The following PHACTR3 variants were observed in gnomAD, a reference collection of about 807,000 sequenced individuals.
PHACTR3 encodes phosphatase and actin regulator 3.
A neutral mutation model predicts 66.8 loss-of-function variants in PHACTR3; 16 were observed. The observed-to-expected ratio is 0.24, with a 90% CI of 0.16 to 0.36. The LOEUF is 0.36. Among genes scored for constraint, PHACTR3 ranks in the 10% least tolerant of loss-of-function variants. PHACTR3 has a pLI of 1.00. For synonymous variants in PHACTR3, 323 were observed against 292.1 expected, an observed-to-expected ratio of 1.11 and a Z score of -1.08; for missense variants, 647 against 719.9, an observed-to-expected ratio of 0.90 and a Z score of 1.16.
intron 1 of PHACTR3, among the ~76,000 whole-genome samples, chr20:59,716,026 G>A (rs2038078731): frequency 6.6e-6 from 1 of 152,118 alleles, no homozygotes; most frequent in Admixed American, 6.5e-5. Context: ...TTGAGAGTGT[G>A]TGTCCATGCA....
chr20:59,847,183 C>G lies in PHACTR3; in HGVS notation c.*53C>G. ...TTAATTTTTTGATACCAACACTGAA[C>G]ATTCATCAGGGAACTTTCCTGAAGT... On this transcript the variant is annotated 3_prime_UTR_variant, in exon 13 of 13. Transcript: ENST00000371015. The G allele has an allele frequency of 1.5e-6, 2 of 1,359,626 alleles. No homozygotes were observed. The highest frequency in any genetic ancestry group is 2.1e-6 in the Non-Finnish European group (2 of 960,786). The allele number at this position is 1,359,626 out of a possible 1,614,324, so 84.2% of individuals were successfully genotyped here.
intron 11 of PHACTR3, 103 bp from the exon 12 acceptor site, chr20:59,845,086 A>G (rs2145535999): frequency 5.6e-6 from 4 of 714,650 alleles, no homozygotes; most frequent in East Asian, 5.7e-5. Context: ...TATATTACAT[A>G]ATAGAGTCAA....
At chr20:59,814,075 C>G (rs2041818574) in intron 8 of PHACTR3, among the ~76,000 whole-genome samples, 1 of 152,214 alleles carries the variant, frequency 6.6e-6, no homozygotes, top group Non-Finnish European at 1.5e-5. Flanking sequence ...GCTGGCTAAG[C>G]TGGTGGGAAA....
At chr20:59,678,078 C>A (rs1036967055) in intron 1 of PHACTR3, among the ~76,000 whole-genome samples, 1 of 152,210 alleles carries the variant, frequency 6.6e-6, no homozygotes. Flanking sequence ...CATACATTTT[C>A]TTCTGTTCCT....
intron 5 of PHACTR3, among the ~76,000 whole-genome samples, chr20:59,772,668 C>A (rs1239203260): frequency 1.3e-5 from 2 of 152,114 alleles, no homozygotes; most frequent in Non-Finnish European, 2.9e-5. Context: ...GCTAGGGAGC[C>A]GAGTGGGGCC....
At chr20:59,814,349 C>G (rs1248786152) in intron 8 of PHACTR3, among the ~76,000 whole-genome samples, 2 of 152,134 alleles carry the variant, frequency 1.3e-5, no homozygotes, top group East Asian at 3.9e-4. Context: ...GGAGGGCCTG[C>G]CAGCCTAGGG....
chr20:59,669,602 A>C (rs1270667793), intron 1 of PHACTR3, among the ~76,000 whole-genome samples: 1 of 152,152 alleles, frequency 6.6e-6, no homozygotes, highest in Non-Finnish European at 1.5e-5. Context: ...TCTAAAGAGA[A>C]CCCTGTGTCC....
chr20:59,665,179 G>A (rs1272329479), intron 1 of PHACTR3, among the ~76,000 whole-genome samples: 2 of 152,150 alleles, frequency 1.3e-5, no homozygotes, highest in African/African-American at 4.8e-5. Flanking sequence ...GATTTTCAAG[G>A]CTTCACCATT....
At position 59,594,337 on chromosome 20, in the gene PHACTR3, GTT is replaced by G. The variant is rs77578962; in HGVS notation, c.109+16732_109+16733del. 7.8e-3 allele frequency among the ~76,000 whole-genome samples: 1,143 copies of G among 146,756 alleles called. 15 individuals are homozygous for G. Among genetic ancestry groups the G allele is most frequent in the African/African-American group, 0.026 (1,044 of 40,236 alleles). On this transcript the variant is annotated intron_variant, in intron 1 of 12. Coordinates refer to the PHACTR3 transcript ENST00000359926. ...TAGTTTCAGGAGGCTTTTTGGTCGAGTTTTTTTTTTTTTATTTTCTACATAGA... is the reference window on the plus strand; with the variant it reads ...TAGTTTCAGGAGGCTTTTTGGTCGAGTTTTTTTTTTTATTTTCTACATAGA...
Position 59,625,768 on chromosome 20 carries a change from C to T in PHACTR3, c.118+20636C>T, listed in dbSNP as rs990331673. On this transcript the variant is annotated intron_variant, in intron 1 of 12. Coordinates refer to ENST00000371015, the MANE Select transcript of PHACTR3 (RefSeq NM_080672.5). ...ACCGTCTCTGTCTTGCGTGACAGCC[C>T]GGGGCTGTTTCTCACCCTTGTTACG... 5.3e-5 allele frequency among the ~76,000 whole-genome samples: 8 copies of T among 152,108 alleles called. No homozygotes were observed. The South Asian group carries it at 6.2e-4, about 12-fold the overall frequency.
At chr20:59,657,391 G>A (rs2035657867) in intron 1 of PHACTR3, among the ~76,000 whole-genome samples, 1 of 151,880 alleles carries the variant, frequency 6.6e-6, no homozygotes, top group African/African-American at 2.4e-5. Flanking sequence ...CTTTACTGGA[G>A]CTCCTTGTTT....
chr20:59,840,222 A>G, intron 9 of PHACTR3, 147 bp from the exon 10 acceptor site: 1 of 1,302,498 alleles, frequency 7.7e-7, no homozygotes, highest in African/African-American at 1.5e-5. Flanking sequence ...TGACTGACAA[A>G]GTGGGAAGAA....
intron 7 of PHACTR3, among the ~76,000 whole-genome samples, chr20:59,774,819 A>G (rs1439230500): frequency 6.6e-6 from 1 of 152,076 alleles, no homozygotes; most frequent in East Asian, 1.9e-4. Flanking sequence ...ACCCCTGAGG[A>G]TGCTGTGGCG....
chr20:59,842,759 T>G (rs559912509), intron 11 of PHACTR3, among the ~76,000 whole-genome samples: 1 of 152,314 alleles, frequency 6.6e-6, no homozygotes, highest in East Asian at 1.9e-4. Flanking sequence ...GTTTCATTAG[T>G]GCCCTAAGCA....
intron 1 of PHACTR3, chr20:59,628,564 A>G (rs919229552): frequency 2.1e-6 from 2 of 951,760 alleles, no homozygotes; most frequent in African/African-American, 1.8e-5. Context: ...CCAGGGAGAG[A>G]GGCGAGCCCT....
chr20:59,785,448 C>T (rs2037548597), intron 7 of PHACTR3, among the ~76,000 whole-genome samples: 1 of 152,138 alleles, frequency 6.6e-6, no homozygotes, highest in Non-Finnish European at 1.5e-5. Flanking sequence ...AGCGGTGGTA[C>T]ACAGGTGAAT....
intron 8 of PHACTR3, among the ~76,000 whole-genome samples, chr20:59,822,348 C>T (rs547129738): frequency 2.1e-5 from 3 of 143,832 alleles, no homozygotes; most frequent in East Asian, 4.2e-4. Flanking sequence ...TGCCACTCTC[C>T]GCACTGGGCC....
At chr20:59,690,934 A>G (rs1197533428) in intron 1 of PHACTR3, among the ~76,000 whole-genome samples, 1 of 152,186 alleles carries the variant, frequency 6.6e-6, no homozygotes, top group Non-Finnish European at 1.5e-5. Context: ...AGGGTAACAC[A>G]GTATTGAGGG....
At chr20:59,727,927 C>T (rs1279406437) in intron 1 of PHACTR3, among the ~76,000 whole-genome samples, 4 of 152,208 alleles carry the variant, frequency 2.6e-5, no homozygotes, top group South Asian at 2.1e-4. Flanking sequence ...GTGATGATTG[C>T]GTGGAATGAG....
Sources: gnomAD v4.1 joint callset for allele counts (sites outside exome capture counted in the v4.1 genomes callset) on GRCh38, gnomAD v4.1.1 for gene constraint, MANE v1.5 for transcripts, NCBI Gene and HGNC (gene_info 2026-07-23, HGNC 2026-07-21) for gene names.